The following MAML1 variants were observed in gnomAD, a reference collection of about 807,000 sequenced individuals.
The protein encoded by MAML1 is mastermind-like protein 1.
MAML1 carries 14 observed loss-of-function variants against 77.1 expected under a neutral mutation model. The observed-to-expected ratio is 0.18, with a 90% CI of 0.12 to 0.28. The LOEUF is 0.28. MAML1 is among the 10% of genes least tolerant of loss of function. The probability of loss-of-function intolerance (pLI) is 1.00; values close to 1 mark genes in which losing one functional copy is unlikely to be tolerated. For synonymous variants in MAML1, 516 were observed against 551.9 expected (o/e 0.93, Z 0.91); for missense variants, 1,217 against 1,327.8 (o/e 0.92, Z 1.30).
chr5:179,770,793 C>A (rs1175976466), intron 3 of MAML1: 1 of 166,176 alleles, frequency 6.0e-6, no homozygotes, highest in African/African-American at 2.4e-5. Context: ...TTTTACATTC[C>A]CACCAGCGGT....
At position 179,752,350 on chromosome 5, in the gene MAML1, A is replaced by AAAATATAT. The variant is rs1554150144; in HGVS notation, c.316-12975_316-12974insAATATATA. Among the ~76,000 whole-genome samples the AAAATATAT allele has an allele frequency of 3.1e-3, 207 of 66,748 alleles. 8 individuals carry two copies. The highest frequency in any genetic ancestry group is 3.7e-3 in the Non-Finnish European group (143 of 38,452). The allele number at this position is 66,748 out of a possible 152,430, so 43.8% of individuals were successfully genotyped here. A position where few individuals can be genotyped will look rare whatever the true frequency, so the allele number is the denominator to read the frequency against. ...CAAAAAAAAAAAAAAAAAAAAAAAA[A>AAAATATAT]ATATATATATATATATGGTTAAATA... On this transcript the variant is annotated intron_variant, in intron 1 of 4. Coordinates refer to ENST00000292599, the MANE Select transcript of MAML1 (RefSeq NM_014757.5).
In MAML1 at chr5:179,776,400, G is replaced by A; in HGVS notation, c.*1523G>A. On this transcript the variant is annotated 3_prime_UTR_variant, in exon 5 of 5. Transcript: ENST00000292599. ...TTGTACACACATTGGTAGTTATTTT[G>A]CACCAGCAGTGCCTTTCTCACTGGG... The A allele has an allele frequency of 1.0e-6, 1 of 985,852 alleles. No homozygotes were observed. Among genetic ancestry groups the A allele is most frequent in the Non-Finnish European group, 1.2e-6 (1 of 829,936 alleles). 61.1% of individuals were successfully genotyped at this position (985,852 alleles called of 1,614,324 possible). A position where few individuals can be genotyped will look rare whatever the true frequency, so the allele number is the denominator to read the frequency against.
intron 1 of MAML1, among the ~76,000 whole-genome samples, chr5:179,751,161 C>T (rs1003934391): frequency 6.6e-5 from 10 of 152,078 alleles, no homozygotes; most frequent in Admixed American, 1.3e-4. Flanking sequence ...TTAGTAGAGA[C>T]AGGGTTTCAC....
chr5:179,744,584 T>G (rs1343213613), intron 1 of MAML1, among the ~76,000 whole-genome samples: 39 of 151,790 alleles, frequency 2.6e-4, no homozygotes, highest in Admixed American at 2.6e-3. Flanking sequence ...TCTCCCAGAC[T>G]GGAATGTGGT....
rs148726787 is a variant in MAML1 at position 179,774,700 on chromosome 5, C to T, written c.2874C>T (p.Thr958=). 64 of 1,610,532 alleles carry T rather than the reference C, an allele frequency of 4.0e-5. No homozygotes were observed. In the African/African-American group the frequency reaches 7.5e-4, roughly 19 times the overall value. ...GCGGTCGGGCGGGGCTGCACTGCAC[C>T]CAGGCCTACCCTGTGCGGACCGCGG... The part of the protein sequence containing the change: ...QMGGRAGLHC[T]QAYPVRTAGQ... Residue 958 remains threonine (T), a synonymous_variant, in exon 5 of 5, where the codon ACC becomes ACT. Transcript: ENST00000292599.
chr5:179,752,692 C>T (rs1190177595), intron 1 of MAML1, among the ~76,000 whole-genome samples: 7 of 149,658 alleles, frequency 4.7e-5, no homozygotes, highest in Non-Finnish European at 1.0e-4. Flanking sequence ...CTACAAGCTC[C>T]GCCTCCCGGG....
intron 1 of MAML1, among the ~76,000 whole-genome samples, chr5:179,735,055 G>T (rs1019244516): frequency 6.6e-6 from 1 of 152,114 alleles, no homozygotes; most frequent in Admixed American, 6.5e-5. Context: ...GGATAGCATT[G>T]GGAGATATAC....
At chr5:179,754,281 CAA>C (rs1779569236) in intron 1 of MAML1, among the ~76,000 whole-genome samples, 1 of 151,978 alleles carries the variant, frequency 6.6e-6, no homozygotes, top group Non-Finnish European at 1.5e-5. Context: ...GACGCTGTCT[CAA>C]GAAGAAGAAA....
intron 1 of MAML1, among the ~76,000 whole-genome samples, chr5:179,743,774 A>G (rs1385937241): frequency 1.3e-5 from 2 of 152,160 alleles, no homozygotes; most frequent in Non-Finnish European, 2.9e-5. Flanking sequence ...CTAAGTTACC[A>G]TAATTCAATT....
chr5:179,774,664 C>T lies in MAML1; in HGVS notation c.2838C>T (p.Ala946=). ...PELGAFSQSP[A]SQMGGRAGLH... is the part of the protein sequence containing the mutation. ...TGGGGGCCTTCAGCCAGAGCCCTGC[C>T]TCACAGATGGGCGGTCGGGCGGGGC... The change falls in exon 5 of 5, where the codon GCC becomes GCT. Residue 946 remains alanine, a synonymous_variant. Transcript: ENST00000292599. 6.2e-7 allele frequency: 1 copy of T among 1,610,642 alleles called. No homozygotes were observed. Among genetic ancestry groups the T allele is most frequent in the Non-Finnish European group, 8.5e-7 (1 of 1,179,396 alleles).
intron 1 of MAML1, among the ~76,000 whole-genome samples, chr5:179,751,879 C>T (rs1188614565): frequency 1.3e-5 from 2 of 151,964 alleles, no homozygotes; most frequent in Non-Finnish European, 2.9e-5. Context: ...TGGTGTACAC[C>T]TGTAGTTCCA....
intron 1 of MAML1, among the ~76,000 whole-genome samples, chr5:179,738,561 T>C (rs1170921592): frequency 1.3e-5 from 2 of 152,116 alleles, no homozygotes; most frequent in African/African-American, 4.8e-5. Context: ...ACTGAGTCTT[T>C]CCCTTCAGCT....
At position 179,771,270 on chromosome 5, in the gene MAML1, G is replaced by A; in HGVS notation, c.2068+27G>A. 1.9e-6 allele frequency: 3 copies of A among 1,588,782 alleles called. No homozygotes were observed. Among genetic ancestry groups the A allele is most frequent in the Non-Finnish European group, 2.6e-6 (3 of 1,157,000 alleles). ...TAGGGGGTGTCTGTGTGACGAGCAG[G>A]GACAGGGGAGGCCGCTGCCTGGTGC... On this transcript the variant is annotated intron_variant, in intron 4 of 4. Coordinates refer to ENST00000292599, the MANE Select transcript of MAML1 (RefSeq NM_014757.5). This position sits in a 1 kb window ranked among gnomAD's most constrained non-coding sequence, Gnocchi z 4.7.
Position 179,776,844 on chromosome 5 carries a change from C to T in MAML1, c.*1967C>T. The T allele has an allele frequency of 1.0e-6, 1 of 985,922 alleles. No homozygotes were observed. Among genetic ancestry groups the T allele is most frequent in the Non-Finnish European group, 1.2e-6 (1 of 829,964 alleles). The allele number at this position is 985,922 out of a possible 1,614,324, so 61.1% of individuals were successfully genotyped here. On this transcript the variant is annotated 3_prime_UTR_variant, in exon 5 of 5. Coordinates refer to ENST00000292599, the MANE Select transcript of MAML1 (RefSeq NM_014757.5). ...TCTTGGGGTCCCCCCAGGGAGCTGC[C>T]CATGGCTTTATTTATGAACCTGGTT...
chr5:179,769,159 A>G lies in MAML1; in HGVS notation c.1971+70A>G. 6.3e-7 allele frequency: 1 copy of G among 1,586,486 alleles called. No individual in the cohort carries two copies. The highest frequency in any genetic ancestry group is 8.6e-7 in the Non-Finnish European group (1 of 1,164,498). ...TGCACCCTGCGTCACTGCTACAGTCACACCTTCTGCTTGTGCGTGTGGATT... is the reference window on the plus strand; with the variant it reads ...TGCACCCTGCGTCACTGCTACAGTCGCACCTTCTGCTTGTGCGTGTGGATT... On this transcript the variant is annotated intron_variant, in intron 3 of 4. Coordinates refer to ENST00000292599, the MANE Select transcript of MAML1 (RefSeq NM_014757.5). This position sits in a 1 kb window ranked among gnomAD's most constrained non-coding sequence, Gnocchi z 4.2.
chr5:179,748,533 C>T (rs531609753), intron 1 of MAML1, among the ~76,000 whole-genome samples: 149 of 152,262 alleles, frequency 9.8e-4, no homozygotes, highest in African/African-American at 3.3e-3. Context: ...TTAATAAAGG[C>T]ATATCAATAA....
chr5:179,750,991 T>G (rs1779477617), intron 1 of MAML1, among the ~76,000 whole-genome samples: 1 of 152,138 alleles, frequency 6.6e-6, no homozygotes, highest in African/African-American at 2.4e-5. Context: ...CTACTTTTTT[T>G]TAAATCAGAA....
Position 179,766,368 on chromosome 5 carries a change from C to A in MAML1, c.1358C>A (p.Ser453Tyr). 4 of 1,607,048 alleles carry A rather than the reference C, an allele frequency of 2.5e-6. No individual in the cohort carries two copies. The highest frequency in any genetic ancestry group is 3.4e-6 in the Non-Finnish European group (4 of 1,176,034). ...CCCATGGAGAAGCCTGCCAGCCCTT[C>A]CAGCTACAAGCAAGACTTCACTAAC... ...PYPMEKPASP[S>Y]SYKQDFTNSK... Residue 453 changes from serine to tyrosine, a missense_variant, in exon 2 of 5, where the codon TCC becomes TAC. This residue lies in a region of MAML1 where 884 missense variants were observed against 949.3 expected (regional missense o/e 0.93). Coordinates refer to ENST00000292599, the MANE Select transcript of MAML1 (RefSeq NM_014757.5). This position sits in a 1 kb window ranked among gnomAD's most constrained non-coding sequence, Gnocchi z 4.0.
rs764268425 is a variant in MAML1 at position 179,765,560 on chromosome 5, G to A, written c.550G>A (p.Asp184Asn). ...QSSGKHSLGL[D>N]SLNKKRLADS... ...CAGTGGGAAGCACTCTCTGGGGCTA[G>A]ACTCTCTCAACAAAAAGCGTCTGGC... is the stretch of plus-strand genomic sequence containing the variant. The change falls in exon 2 of 5, where the codon GAC (aspartate) becomes AAC (asparagine). Residue 184 changes from aspartate (D) to asparagine (N), a missense_variant. Asp to Asn is a conservative substitution (Grantham distance 23). Transcript: ENST00000292599. 5.4e-5 allele frequency: 87 copies of A among 1,614,020 alleles called. No homozygotes were observed. Among genetic ancestry groups the A allele is most frequent in the Non-Finnish European group, 7.0e-5 (83 of 1,180,006 alleles).
Sources: allele counts gnomAD v4.1 joint callset (sites outside exome capture counted in the v4.1 genomes callset), GRCh38; gene constraint gnomAD v4.1.1; regional missense constraint gnomAD v4.1.1; non-coding constraint Gnocchi (gnomAD v3.1); transcripts MANE v1.5; gene names NCBI Gene and HGNC (gene_info 2026-07-23, HGNC 2026-07-21).